Variants in RPA3 observed in about 807,000 individuals in gnomAD.
RPA3 encodes the protein replication protein A3.
In RPA3, 24 loss-of-function variants were observed where a neutral mutation model predicts 13.7. That is an observed-to-expected ratio of 1.75 (90% CI 1.27 to 2.46). The LOEUF (loss-of-function observed/expected upper bound fraction) is 2.46, where lower values mean the gene tolerates loss of function less well. Among genes scored for constraint, RPA3 ranks in the 30% most tolerant of loss-of-function variants. RPA3 has a pLI of 0.00. For missense variants in RPA3, 183 were observed against 151.0 expected (o/e 1.21, Z -1.11); for synonymous variants, 59 against 51.2 (o/e 1.15, Z -0.65).
At chr7:7,691,786 T>G (rs1343063829) in intron 2 of RPA3, among the ~76,000 whole-genome samples, 1 of 152,244 alleles carries the variant, frequency 6.6e-6, no homozygotes, top group African/African-American at 2.4e-5. Flanking sequence ...TTGAAGTGTT[T>G]TCTGATACAT....
chr7:7,673,569 T>C, intron 4 of RPA3: 1 of 624,770 alleles, frequency 1.6e-6, no homozygotes, highest in Non-Finnish European at 2.8e-6. Flanking sequence ...TTAATTTATG[T>C]GTTTAATTTT....
intron 4 of RPA3, among the ~76,000 whole-genome samples, chr7:7,672,469 G>T (rs144714586): frequency 9.1e-4 from 139 of 152,254 alleles, no homozygotes; most frequent in African/African-American, 3.2e-3. Context: ...ATTTTATAAT[G>T]GGTACTGATA....
chr7:7,695,342 AAC>A (rs1464100883), intron 2 of RPA3, among the ~76,000 whole-genome samples: 3 of 152,232 alleles, frequency 2.0e-5, no homozygotes, highest in Admixed American at 2.0e-4. Flanking sequence ...TTTCATTTGT[AAC>A]ACAGAATGAT....
At chr7:7,684,299 T>G (rs950957212) in intron 4 of RPA3, among the ~76,000 whole-genome samples, 3 of 152,100 alleles carry the variant, frequency 2.0e-5, no homozygotes, top group Non-Finnish European at 4.4e-5. Context: ...CCTCCCGCGT[T>G]CAAGCAATTC....
Position 7,703,640 on chromosome 7 carries a change from C to T in RPA3, c.-1028+11535G>A, listed in dbSNP as rs190109409. Among the ~76,000 whole-genome samples, 5 of 152,242 alleles carry T rather than the reference C, an allele frequency of 3.3e-5. No homozygotes were observed. In the East Asian group the frequency reaches 7.7e-4, roughly 23 times the overall value. ...ATCAGTTCAGGGCCAAAGTTCAGTT[C>T]CTTCTTCTCTGGCCAATAGGATGTT... On this transcript the variant is annotated intron_variant, in intron 2 of 7. Transcript: ENST00000223129.
intron 4 of RPA3, chr7:7,676,271 C>A: frequency 2.5e-6 from 1 of 397,844 alleles, no homozygotes; most frequent in Non-Finnish European, 4.4e-6. Flanking sequence ...TCGGTACCTA[C>A]CCCATGAAGT....
rs1034609905 is a variant in RPA3 at position 7,694,764 on chromosome 7, C to T, written c.-1027-7436G>A. Among the ~76,000 whole-genome samples the T allele has an allele frequency of 2.6e-5, 4 of 152,264 alleles. No individual in the cohort carries two copies. In the South Asian group the frequency reaches 8.3e-4, roughly 32 times the overall value. On this transcript the variant is annotated intron_variant, in intron 2 of 7. Coordinates refer to ENST00000223129, the MANE Select transcript of RPA3 (RefSeq NM_002947.5). ...AGTACTCCATTGTGCATACGTACCA[C>T]GTTTTCTTCATCCATTCATCTTTTG...
At chr7:7,696,443 G>A (rs1429474647) in intron 2 of RPA3, among the ~76,000 whole-genome samples, 1 of 152,102 alleles carries the variant, frequency 6.6e-6, no homozygotes, top group Admixed American at 6.6e-5. Context: ...GAAGTCCTGA[G>A]CTTAGCCACT....
Position 7,637,028 on chromosome 7 carries a change from T to G in RPA3, c.338A>C (p.Tyr113Ser). 6.2e-7 allele frequency: 1 copy of G among 1,612,672 alleles called. No individual in the cohort carries two copies. The highest frequency in any genetic ancestry group is 2.2e-5 in the East Asian group (1 of 44,732). The change falls in exon 8 of 8, where the codon TAT becomes TCT. Residue 113 changes from tyrosine to serine, a missense_variant. Tyr to Ser is a moderately radical substitution (Grantham distance 144, BLOSUM62 -2). Coordinates refer to ENST00000223129, the MANE Select transcript of RPA3 (RefSeq NM_002947.5). ...VKIIHDFPQF[Y>S]PLGIVQHD ...ATCATGTTGCACAATCCCTAAAGGA[T>G]AAAACTGAGGGAAGTCATGGATAAT...
At chr7:7,695,506 T>C (rs1309446470) in intron 2 of RPA3, among the ~76,000 whole-genome samples, 3 of 152,232 alleles carry the variant, frequency 2.0e-5, no homozygotes. Flanking sequence ...TCTTTCCTTG[T>C]TACTTTCAGG....
chr7:7,700,505 G>A (rs1471124164), intron 2 of RPA3, among the ~76,000 whole-genome samples: 1 of 152,078 alleles, frequency 6.6e-6, no homozygotes, highest in Non-Finnish European at 1.5e-5. Flanking sequence ...TGGGAAGATC[G>A]CTTGAGGCCA....
chr7:7,707,594 A>G (rs1433908876), intron 2 of RPA3, among the ~76,000 whole-genome samples: 3 of 152,208 alleles, frequency 2.0e-5, no homozygotes, highest in African/African-American at 7.2e-5. Flanking sequence ...TGCATTGTAT[A>G]CTTCATAAAG....
intron 4 of RPA3, among the ~76,000 whole-genome samples, chr7:7,680,672 T>C (rs1779886544): frequency 6.8e-6 from 1 of 148,136 alleles, no homozygotes; most frequent in Non-Finnish European, 1.5e-5. Flanking sequence ...AATCCATAAA[T>C]TTGGAATATC....
At chr7:7,706,968 A>G (rs1039944516) in intron 2 of RPA3, among the ~76,000 whole-genome samples, 2 of 152,160 alleles carry the variant, frequency 1.3e-5, no homozygotes, top group African/African-American at 4.8e-5. Context: ...CCAGGCTTAT[A>G]TTCTTGTCTC....
At chr7:7,715,663 T>C (rs1283537284) in intron 1 of RPA3, among the ~76,000 whole-genome samples, 1 of 152,084 alleles carries the variant, frequency 6.6e-6, no homozygotes, top group African/African-American at 2.4e-5. Flanking sequence ...ATCCACAAAT[T>C]TCCAGAAAAA....
At chr7:7,644,422 A>G (rs1785050089) in intron 4 of RPA3, among the ~76,000 whole-genome samples, 1 of 151,092 alleles carries the variant, frequency 6.6e-6, no homozygotes, top group Non-Finnish European at 1.5e-5. Flanking sequence ...AGTTTAATGT[A>G]GGAGAAAAGT....
chr7:7,656,264 A>G (rs939387682), intron 4 of RPA3, among the ~76,000 whole-genome samples: 3 of 152,168 alleles, frequency 2.0e-5, no homozygotes, highest in African/African-American at 7.2e-5. Context: ...AAAAAGAACA[A>G]TGTAAAGTCT....
intron 4 of RPA3, among the ~76,000 whole-genome samples, chr7:7,658,116 A>G (rs1055837749): frequency 1.6e-4 from 24 of 152,090 alleles, no homozygotes; most frequent in African/African-American, 5.3e-4. Flanking sequence ...CTGTTTGTCT[A>G]TTATTGGTGT....
At chr7:7,651,528 G>A (rs1340605105) in intron 4 of RPA3, among the ~76,000 whole-genome samples, 1 of 152,140 alleles carries the variant, frequency 6.6e-6, no homozygotes, top group Non-Finnish European at 1.5e-5. Context: ...TTTTCCCTAT[G>A]GCCATTGCTT....
Sources: gnomAD v4.1 joint callset for allele counts (sites outside exome capture counted in the v4.1 genomes callset) on GRCh38, gnomAD v4.1.1 for gene constraint, MANE v1.5 for transcripts, NCBI Gene and HGNC (gene_info 2026-07-23, HGNC 2026-07-21) for gene names.